TSPEAR: variants seen among roughly 807,000 people sequenced by gnomAD.
The protein encoded by TSPEAR is thrombospondin-type laminin G domain and EAR repeat-containing protein.
Under a neutral mutation model 71.6 loss-of-function variants are expected in TSPEAR, and 69 were observed. The ratio of observed to expected loss-of-function variants is 0.96; its 90% CI spans 0.79 to 1.18. The LOEUF is 1.18. Ranked by LOEUF, TSPEAR falls within the 50% of genes most tolerant of loss-of-function variation. TSPEAR has a pLI of 0.00. For synonymous variants in TSPEAR, 402 were observed against 387.2 expected (o/e 1.04, Z -0.45); for missense variants, 971 against 894.9 (o/e 1.09, Z -1.09).
intron 9 of TSPEAR, among the ~76,000 whole-genome samples, chr21:44,511,275 TAC>T (rs370441127): frequency 5.3e-5 from 8 of 152,042 alleles, no homozygotes; most frequent in Admixed American, 1.3e-4. Context: ...TATGCATACA[TAC>T]ACAAACATGG....
chr21:44,627,017 C>T (rs1292197165), intron 1 of TSPEAR: 3 of 1,231,264 alleles, frequency 2.4e-6, no homozygotes, highest in South Asian at 1.5e-5. Flanking sequence ...CTCTCAGCAA[C>T]AAGGAAGGGG....
chr21:44,559,102 C>G (rs1488645231), intron 2 of TSPEAR, among the ~76,000 whole-genome samples: 1 of 152,118 alleles, frequency 6.6e-6, no homozygotes, highest in Non-Finnish European at 1.5e-5. Flanking sequence ...CTGCTCCATC[C>G]CAGGAGGAGT....
At chr21:44,654,805 C>A (rs1555942262) in intron 1 of TSPEAR, 2 of 562,784 alleles carry the variant, frequency 3.6e-6, no homozygotes, top group African/African-American at 1.9e-5. Flanking sequence ...TTACTCAGTT[C>A]AGGAAACTCT....
intron 2 of TSPEAR, among the ~76,000 whole-genome samples, chr21:44,538,495 C>G (rs1337073309): frequency 1.3e-5 from 2 of 152,186 alleles, no homozygotes; most frequent in Middle Eastern, 3.4e-3. Flanking sequence ...CATCCGCCCA[C>G]CCCATGATGC....
intron 1 of TSPEAR, among the ~76,000 whole-genome samples, chr21:44,661,281 C>CA (rs10572767): frequency 0.051 from 4,019 of 79,562 alleles, 207 homozygotes; most frequent in Middle Eastern, 0.09. Flanking sequence ...GACTCCGTCT[C>CA]AAAAAAAAAA....
In TSPEAR at chr21:44,707,583, TG is replaced by T. The variant is rs1208273069; in HGVS notation, c.82+3849del. ...AACATTCTTTATTTCCTGATGACCATGGGGGCGGAGCGGGGGAAAAGCCCTG... is the reference window on the plus strand; with the variant it reads ...AACATTCTTTATTTCCTGATGACCATGGGGCGGAGCGGGGGAAAAGCCCTG... On this transcript the variant is annotated intron_variant, in intron 1 of 11. Transcript: ENST00000323084. Among the ~76,000 whole-genome samples, 5 of 148,828 alleles carry T rather than the reference TG, an allele frequency of 3.4e-5. No individual in the cohort carries two copies. The East Asian group carries it at 9.8e-4, about 29-fold the overall frequency.
rs1285850142 is a variant in TSPEAR at position 44,520,396 on chromosome 21, C to G, written c.1566+1487G>C. ...AGGGTGCTCCCTGACATCTGCTCTC[C>G]TCGTGCCCTGAACATCCACGTAAAG... On this transcript the variant is annotated intron_variant, in intron 9 of 11. Coordinates refer to ENST00000323084, the MANE Select transcript of TSPEAR (RefSeq NM_144991.3). This position sits in a 1 kb window ranked among gnomAD's most constrained non-coding sequence, Gnocchi z 4.2. The G allele has an allele frequency of 6.6e-6, 1 of 152,126 alleles. No homozygotes were observed. The highest frequency in any genetic ancestry group is 1.5e-5 in the Non-Finnish European group (1 of 68,022). 9.4% of individuals were successfully genotyped at this position (152,126 alleles called of 1,614,324 possible).
At chr21:44,618,724 C>T (rs781881203) in intron 1 of TSPEAR, among the ~76,000 whole-genome samples, 1 of 152,300 alleles carries the variant, frequency 6.6e-6, no homozygotes, top group Non-Finnish European at 1.5e-5. Flanking sequence ...TGGTGGCTCC[C>T]TGAAGGACTA....
chr21:44,661,191 G>A (rs1449640330), intron 1 of TSPEAR, among the ~76,000 whole-genome samples: 11 of 150,140 alleles, frequency 7.3e-5, no homozygotes, highest in African/African-American at 2.2e-4. Context: ...GGAGAATGGC[G>A]TGAACCCCAG....
intron 1 of TSPEAR, among the ~76,000 whole-genome samples, chr21:44,673,649 G>A (rs114156192): frequency 0.013 from 2,051 of 152,226 alleles, 51 homozygotes; most frequent in African/African-American, 0.046. Context: ...TCTAACAGCT[G>A]CAGAATACAC....
intron 1 of TSPEAR, among the ~76,000 whole-genome samples, chr21:44,665,134 C>T (rs1985687209): frequency 6.6e-6 from 1 of 152,192 alleles, no homozygotes; most frequent in Non-Finnish European, 1.5e-5. Context: ...GGTTCCATTT[C>T]TCACTCAGTT....
rs906169301 is a variant in TSPEAR, at chr21:44,710,841, C to T, written c.82+592G>A. On this transcript the variant is annotated intron_variant, in intron 1 of 11. Coordinates refer to ENST00000323084, the MANE Select transcript of TSPEAR (RefSeq NM_144991.3). This position sits in a 1 kb window ranked among gnomAD's most constrained non-coding sequence, Gnocchi z 4.6. Reference sequence around the variant, plus strand: ...AGGTGGGAAGGAGACCCCCAGGCTTCGCCAGGACCCCCCAGTGAGCCAGCC... The same window carrying T: ...AGGTGGGAAGGAGACCCCCAGGCTTTGCCAGGACCCCCCAGTGAGCCAGCC... Among the ~76,000 whole-genome samples, 2 of 152,240 alleles carry T rather than the reference C, an allele frequency of 1.3e-5. No homozygotes were observed. Among genetic ancestry groups the T allele is most frequent in the African/African-American group, 2.4e-5 (1 of 41,460 alleles).
At position 44,503,320 on chromosome 21, in the gene TSPEAR, C is replaced by T. The variant is rs782188605; in HGVS notation, c.1856+1460G>A. ...GGGAAGCAAGGCTCTGGGAGGAGGC[C>T]GGCCTTGGTGAGCCCTCGGGGGGAA... On this transcript the variant is annotated intron_variant, in intron 11 of 11. Transcript: ENST00000323084. Among the ~76,000 whole-genome samples, 62 of 130,224 alleles carry T rather than the reference C, an allele frequency of 4.8e-4. 1 individual carries two copies. Among genetic ancestry groups the T allele is most frequent in the East Asian group, 7.1e-4 (3 of 4,228 alleles). 85.4% of individuals were successfully genotyped at this position (130,224 alleles called of 152,430 possible).
intron 9 of TSPEAR, among the ~76,000 whole-genome samples, chr21:44,514,578 C>T (rs1314678784): frequency 1.3e-5 from 2 of 152,130 alleles, no homozygotes; most frequent in African/African-American, 4.8e-5. Context: ...CTGAGGTCTG[C>T]AGCAAACTCA....
intron 1 of TSPEAR, among the ~76,000 whole-genome samples, chr21:44,619,492 A>G (rs77889433): frequency 0.017 from 2,615 of 152,362 alleles, 73 homozygotes; most frequent in African/African-American, 0.06. Flanking sequence ...AGGAAAAGCA[A>G]TTAATGGAAA....
intron 2 of TSPEAR, among the ~76,000 whole-genome samples, chr21:44,534,854 C>T (rs2053060763): frequency 6.6e-6 from 1 of 152,142 alleles, no homozygotes; most frequent in Non-Finnish European, 1.5e-5. Context: ...TCACAATTGC[C>T]AAAAGGTAGA....
chr21:44,579,834 C>A lies in TSPEAR; in HGVS notation c.83-11829G>T, dbSNP rs782071828. ...CAGGAGGCCGGGCGGCAGCAGCTGG[C>A]CTGGTAGGAGGAGGCAGGGGCACAG... On this transcript the variant is annotated intron_variant, in intron 1 of 11. Transcript: ENST00000323084. The A allele has an allele frequency of 6.3e-5, 102 of 1,609,820 alleles. No homozygotes were observed. In the East Asian group the frequency reaches 7.7e-4, roughly 12 times the overall value.
chr21:44,664,742 A>G (rs1985663841), intron 1 of TSPEAR, among the ~76,000 whole-genome samples: 1 of 152,208 alleles, frequency 6.6e-6, no homozygotes, highest in Admixed American at 6.5e-5. Flanking sequence ...CCACTCCTAG[A>G]CATTTACCCA....
Position 44,580,699 on chromosome 21 carries a change from C to A in TSPEAR, c.83-12694G>T, listed in dbSNP as rs375629591. ...AGGGCTGTGGGGCTTTTAAATCCCT[C>A]CCTGGCGTGTGTTGTCCCGACAGGA... On this transcript the variant is annotated intron_variant, in intron 1 of 11. Coordinates refer to ENST00000323084, the MANE Select transcript of TSPEAR (RefSeq NM_144991.3). 1.0e-5 allele frequency: 11 copies of A among 1,067,782 alleles called. No homozygotes were observed. The African/African-American group carries it at 1.6e-4, about 15-fold the overall frequency. 66.1% of individuals were successfully genotyped at this position (1,067,782 alleles called of 1,614,324 possible). A position where few individuals can be genotyped will look rare whatever the true frequency, so the allele number is the denominator to read the frequency against.
Sources: allele counts gnomAD v4.1 joint callset (sites outside exome capture counted in the v4.1 genomes callset), GRCh38; gene constraint gnomAD v4.1.1; non-coding constraint Gnocchi (gnomAD v3.1); transcripts MANE v1.5; gene names NCBI Gene and HGNC (gene_info 2026-07-23, HGNC 2026-07-21).